The following CDK18 variants were observed in gnomAD, a reference collection of about 807,000 sequenced individuals.
CDK18 encodes cyclin-dependent kinase 18.
Under a neutral mutation model 62.0 loss-of-function variants are expected in CDK18, and 52 were observed. That is an observed-to-expected ratio of 0.84 (90% confidence interval 0.67 to 1.06). The LOEUF (loss-of-function observed/expected upper bound fraction) is 1.06, where lower values mean the gene tolerates loss of function less well. Ranked by LOEUF, CDK18 falls within the 50% of genes least tolerant of loss-of-function variation. CDK18 has a pLI of 0.00. For missense variants in CDK18, 604 were observed against 619.9 expected, an observed-to-expected ratio of 0.97 and a Z score of 0.27; for synonymous variants, 237 against 247.0, an observed-to-expected ratio of 0.96 and a Z score of 0.38.
At chr1:205,530,227 C>G in intron 13 of CDK18, 32 bp from the exon 14 acceptor site, 1 of 1,607,864 alleles carries the variant, frequency 6.2e-7, no homozygotes, top group South Asian at 1.1e-5. Context: ...GCCCCCCAGC[C>G]GGGCCCAATA....
intron 1 of CDK18, among the ~76,000 whole-genome samples, chr1:205,508,243 A>G (rs1044098145): frequency 6.6e-6 from 1 of 152,206 alleles, no homozygotes; most frequent in African/African-American, 2.4e-5. Context: ...TTTGCCCTCC[A>G]GGCATTCCCT....
At chr1:205,506,380 C>T (rs553258615) in intron 1 of CDK18, among the ~76,000 whole-genome samples, 93 of 152,216 alleles carry the variant, frequency 6.1e-4, no homozygotes, top group African/African-American at 2.2e-3. Flanking sequence ...CCAGGACTCT[C>T]CCCACTGGGT....
chr1:205,530,146 T>C, intron 13 of CDK18, 113 bp from the exon 14 acceptor site: 1 of 1,535,320 alleles, frequency 6.5e-7, no homozygotes, highest in Non-Finnish European at 8.7e-7. Flanking sequence ...GGGCTTCTCC[T>C]GTTAGCCTCA....
intron 1 of CDK18, among the ~76,000 whole-genome samples, chr1:205,518,428 G>A (rs1027958002): frequency 3.9e-5 from 6 of 152,130 alleles, no homozygotes; most frequent in African/African-American, 1.2e-4. Flanking sequence ...ACGTCATTGC[G>A]ATTCCATAGC....
At chr1:205,523,951 G>A (rs1668282387) in intron 3 of CDK18, among the ~76,000 whole-genome samples, 1 of 152,364 alleles carries the variant, frequency 6.6e-6, no homozygotes, top group South Asian at 2.1e-4. Flanking sequence ...ATCGGTGCCT[G>A]TAAGGGCATG....
intron 1 of CDK18, among the ~76,000 whole-genome samples, chr1:205,514,424 G>A (rs962222289): frequency 3.3e-5 from 5 of 152,160 alleles, no homozygotes; most frequent in African/African-American, 7.2e-5. Flanking sequence ...TTACTCTAGT[G>A]TGCCCAGAAA....
chr1:205,524,467 G>T, intron 4 of CDK18, 110 bp downstream of exon 4: 1 of 1,270,154 alleles, frequency 7.9e-7, no homozygotes, highest in Non-Finnish European at 1.1e-6. Context: ...AGATTCCTGG[G>T]CCTCTGGTGC....
chr1:205,530,540 C>T (rs1229504612), intron 14 of CDK18, 88 bp from the exon 15 acceptor site: 18 of 1,300,754 alleles, frequency 1.4e-5, no homozygotes, highest in African/African-American at 5.9e-5. Context: ...GACGCTGCCT[C>T]GAGGGCTCAG....
intron 5 of CDK18, among the ~76,000 whole-genome samples, 200 bp downstream of exon 5, chr1:205,525,395 G>A (rs1668374368): frequency 6.6e-6 from 1 of 152,210 alleles, no homozygotes; most frequent in African/African-American, 2.4e-5. Context: ...GATCCTGAAG[G>A]AGGGCGTGAG....
rs1253927310 is a variant in CDK18, at chr1:205,524,290, A to G, written c.332A>G (p.Gln111Arg). 2.5e-6 allele frequency: 4 copies of G among 1,614,176 alleles called. No individual in the cohort carries two copies. The East Asian group carries it at 8.9e-5, about 36-fold the overall frequency. ...ATCCGCCTGCCCCAGGAATTCCTAC[A>G]GAAGCTACAGATGGAGAGCCCAGAT... ...MDIRLPQEFL[Q>R]KLQMESPDLP... The change falls in exon 4 of 16, where the codon CAG becomes CGG. Residue 111 changes from glutamine (Q) to arginine (R), a missense_variant. Gln to Arg is a conservative substitution (Grantham distance 43). Coordinates refer to ENST00000429964, the MANE Select transcript of CDK18 (RefSeq NM_212502.3).
At position 205,529,040 on chromosome 1, in the gene CDK18, C is replaced by T. The variant is rs1668588145; in HGVS notation, c.1016C>T (p.Pro339Leu). ...CACTACGAGATGGCCACAGGGAGGC[C>T]CCTCTTCCCGGGCTCCACAGTCAAG... ...CIHYEMATGRPLFPGSTVKEE... is the reference protein window; with the variant it reads ...CIHYEMATGRLLFPGSTVKEE... The change falls in exon 11 of 16, where the codon CCC becomes CTC. Residue 339 changes from proline to leucine, a missense_variant. Transcript: ENST00000429964. 3.1e-6 allele frequency: 5 copies of T among 1,597,322 alleles called. No homozygotes were observed. The highest frequency in any genetic ancestry group is 1.7e-6 in the Non-Finnish European group (2 of 1,172,622).
chr1:205,511,324 G>A (rs1195037627), intron 1 of CDK18, among the ~76,000 whole-genome samples: 6 of 152,226 alleles, frequency 3.9e-5, no homozygotes, highest in African/African-American at 1.4e-4. Flanking sequence ...GTGCTGCAAA[G>A]GCAGAGTGGC....
rs1179743457 is a variant in CDK18 at position 205,516,575 on chromosome 1, CAT to C, written c.-21-6571_-21-6570del. Among the ~76,000 whole-genome samples, 3 of 152,186 alleles carry C rather than the reference CAT, an allele frequency of 2.0e-5. No homozygotes were observed. Among genetic ancestry groups the C allele is most frequent in the Admixed American group, 2.0e-4 (3 of 15,286 alleles). Reference sequence around the variant, plus strand: ...TCCACATGTGCCTGTAAAGCAGACACATGCCTGCTGTATGCCACCAGCACCAG... The same window carrying C: ...TCCACATGTGCCTGTAAAGCAGACACGCCTGCTGTATGCCACCAGCACCAG... On this transcript the variant is annotated intron_variant, in intron 1 of 15. Coordinates refer to ENST00000429964, the MANE Select transcript of CDK18 (RefSeq NM_212502.3). The surrounding 1 kb of genome is among the most constrained non-coding windows in gnomAD (Gnocchi z 4.8).
At position 205,523,617 on chromosome 1, in the gene CDK18, T is replaced by C. The variant is rs1433016119; in HGVS notation, c.265T>C (p.Ser89Pro). Reference protein sequence around the residue: ...FQRRQNQRRFSMEDVSKRLSL... With the variant: ...FQRRQNQRRFPMEDVSKRLSL... ...GCGGCGGCAGAACCAGCGCCGCTTC[T>C]CCATGGAGGTAAGGGCCTCTGGAGC... is the stretch of plus-strand genomic sequence containing the variant. The change falls in exon 3 of 16, where the codon TCC (serine) becomes CCC (proline). Residue 89 changes from serine (S) to proline (P), a missense_variant. Physicochemically the swap from Ser to Pro is moderately conservative, Grantham distance 74. Coordinates refer to ENST00000429964, the MANE Select transcript of CDK18 (RefSeq NM_212502.3). 1.9e-6 allele frequency: 3 copies of C among 1,570,262 alleles called. No individual in the cohort carries two copies. The Admixed American group carries it at 5.6e-5, about 30-fold the overall frequency.
At chr1:205,529,125 A>T (rs374386467) in intron 11 of CDK18, 29 bp downstream of exon 11, 188 of 1,532,570 alleles carry the variant, frequency 1.2e-4, no homozygotes, top group Non-Finnish European at 1.6e-4. Flanking sequence ...CGTCCCTCTC[A>T]CCACCAGGGG....
rs1453846895 is a variant in CDK18, at chr1:205,529,350, G to C, written c.1099G>C (p.Gly367Arg). Residue 367 changes from glycine to arginine, a missense_variant, in exon 12 of 16, where the codon GGC becomes CGC. Transcript: ENST00000429964. ...GACCCCCACAGAAGAGACGTGGCCC[G>C]GCGTGACCGCCTTCTCTGAGTTCCG... ...LGTPTEETWP[G>R]VTAFSEFRTY... 6.2e-7 allele frequency: 1 copy of C among 1,613,928 alleles called. No homozygotes were observed. Among genetic ancestry groups the C allele is most frequent in the Non-Finnish European group, 8.5e-7 (1 of 1,179,918 alleles).
intron 1 of CDK18, among the ~76,000 whole-genome samples, chr1:205,505,138 C>A (rs1292316025): frequency 2.6e-5 from 4 of 152,138 alleles, no homozygotes; most frequent in Admixed American, 6.5e-5. Flanking sequence ...GGCCCCTGGG[C>A]TCCCGTCTGA....
At chr1:205,511,537 A>T (rs1001159595) in intron 1 of CDK18, among the ~76,000 whole-genome samples, 1 of 152,248 alleles carries the variant, frequency 6.6e-6, no homozygotes, top group African/African-American at 2.4e-5. Context: ...TAAGCAATAA[A>T]TGTTCATTAT....
At position 205,527,504 on chromosome 1, in the gene CDK18, A is replaced by C; in HGVS notation, c.730-290A>C. ...TAAAAGAAAAAAAAAAAAAAAAGGG[A>C]TCAAGCACATATGTCTCCACATAGG... On this transcript the variant is annotated intron_variant, in intron 8 of 15. Transcript: ENST00000429964. This position sits in a 1 kb window ranked among gnomAD's most constrained non-coding sequence, Gnocchi z 4.1. 3.4e-6 allele frequency: 1 copy of C among 295,932 alleles called. No individual in the cohort carries two copies. Among genetic ancestry groups the C allele is most frequent in the Non-Finnish European group, 6.2e-6 (1 of 160,748 alleles). The allele number at this position is 295,932 out of a possible 1,614,324, so 18.3% of individuals were successfully genotyped here.
Sources: gnomAD v4.1 joint callset for allele counts (sites outside exome capture counted in the v4.1 genomes callset) on GRCh38, gnomAD v4.1.1 for gene constraint, Gnocchi (gnomAD v3.1) non-coding constraint, MANE v1.5 for transcripts, NCBI Gene and HGNC (gene_info 2026-07-23, HGNC 2026-07-21) for gene names.